KLHL26: variants seen among roughly 807,000 people sequenced by gnomAD.
KLHL26 encodes kelch like family member 26.
KLHL26 carries 4 observed loss-of-function variants against 7.1 expected under a neutral mutation model. The observed-to-expected ratio is 0.56, with a 90% CI of 0.28 to 1.28. The LOEUF is 1.28. Ranked by LOEUF, KLHL26 falls within the 50% of genes most tolerant of loss-of-function variation. KLHL26 has a pLI of 0.11. For synonymous variants in KLHL26, 465 were observed against 414.1 expected, an observed-to-expected ratio of 1.12 and a Z score of -1.49; for missense variants, 896 against 924.6, an observed-to-expected ratio of 0.97 and a Z score of 0.40.
In KLHL26 at chr19:18,649,034, G is replaced by A. The variant is rs1329892685; in HGVS notation, c.83+11897G>A. On this transcript the variant is annotated intron_variant, in intron 1 of 2. Transcript: ENST00000300976. This position sits in a 1 kb window ranked among gnomAD's most constrained non-coding sequence, Gnocchi z 4.0. ...TGACCCGCTGGGCCCCTGAGCTTCC[G>A]CAGCTCTGACGGCTCTGCTGGGCTC... Among the ~76,000 whole-genome samples the A allele has an allele frequency of 6.6e-6, 1 of 152,140 alleles. No homozygotes were observed. The highest frequency in any genetic ancestry group is 1.5e-5 in the Non-Finnish European group (1 of 68,026).
chr19:18,664,311 A>G lies in KLHL26; in HGVS notation c.134A>G (p.His45Arg). The stretch of plus-strand genomic sequence containing the variant: ...AAGTGCACCTTCTCGGCACCCAGCC[A>G]CAGCACCAGCCTCCTGCAGGGCCTG... ...ALKCTFSAPS[H>R]STSLLQGLAT... The change falls in exon 2 of 3, where the codon CAC (histidine) becomes CGC (arginine). Residue 45 changes from histidine (H) to arginine (R), a missense_variant. Transcript: ENST00000300976. 6.2e-7 allele frequency: 1 copy of G among 1,609,052 alleles called. No homozygotes were observed. Among genetic ancestry groups the G allele is most frequent in the African/African-American group, 1.3e-5 (1 of 75,038 alleles).
intron 1 of KLHL26, among the ~76,000 whole-genome samples, chr19:18,643,579 A>T (rs1265875824): frequency 6.6e-6 from 1 of 151,710 alleles, no homozygotes; most frequent in Non-Finnish European, 1.5e-5. Context: ...CCTGGGTTCA[A>T]GCGATTCTCC....
rs1471533794 is a variant in KLHL26 at position 18,668,099 on chromosome 19, G to A, written c.702G>A (p.Leu234=). ...TGTTCCGCGCGGCCGTCCGCTGGCT[G>A]CAGCATGACCCGGCCCGGCGGCCGC... ...IDLFRAAVRW[L]QHDPARRPRA... Residue 234 remains leucine (L), a synonymous_variant, in exon 3 of 3, where the codon CTG becomes CTA. Transcript: ENST00000300976. 2 of 1,604,138 alleles carry A rather than the reference G, an allele frequency of 1.2e-6. No individual in the cohort carries two copies. Among genetic ancestry groups the A allele is most frequent in the African/African-American group, 1.3e-5 (1 of 74,936 alleles).
At chr19:18,654,753 T>G (rs2052312307) in intron 1 of KLHL26, among the ~76,000 whole-genome samples, 1 of 149,676 alleles carries the variant, frequency 6.7e-6, no homozygotes, top group Non-Finnish European at 1.5e-5. Context: ...ACCCATCCAT[T>G]CACCCGCCCA....
chr19:18,647,206 C>A (rs1009216419), intron 1 of KLHL26, among the ~76,000 whole-genome samples: 1 of 152,240 alleles, frequency 6.6e-6, no homozygotes, highest in Non-Finnish European at 1.5e-5. Flanking sequence ...GCAGTGCGAT[C>A]GTCACAGCTG....
intron 1 of KLHL26, among the ~76,000 whole-genome samples, chr19:18,653,387 C>T (rs1293673783): frequency 3.0e-5 from 4 of 131,992 alleles, no homozygotes; most frequent in Non-Finnish European, 4.9e-5. Flanking sequence ...CCCACCCATC[C>T]GCCCACCCAC....
At chr19:18,666,095 C>G (rs575543391) in intron 2 of KLHL26, among the ~76,000 whole-genome samples, 19 of 152,262 alleles carry the variant, frequency 1.2e-4, no homozygotes, top group African/African-American at 4.6e-4. Context: ...CGCCTGCGAC[C>G]GCCTCTGCCT....
In KLHL26 at chr19:18,671,404, A is replaced by G. The variant is rs1433952686; in HGVS notation, c.*2159A>G. On this transcript the variant is annotated 3_prime_UTR_variant, in exon 3 of 3. Transcript: ENST00000300976. ...CCCACCCCCGACCTGAGCTCCCCCA[A>G]AGAGAACCCTTCCCCACTGGAGGCA... The G allele has an allele frequency of 2.0e-5, 3 of 152,252 alleles. No homozygotes were observed. Among genetic ancestry groups the G allele is most frequent in the Non-Finnish European group, 2.9e-5 (2 of 68,084 alleles). 9.4% of individuals were successfully genotyped at this position (152,252 alleles called of 1,614,324 possible).
intron 2 of KLHL26, 117 bp from the exon 3 acceptor site, chr19:18,667,547 C>A (rs536865532): frequency 6.8e-7 from 1 of 1,472,958 alleles, no homozygotes; most frequent in Non-Finnish European, 9.0e-7. Context: ...TTTCCTCTTG[C>A]TGGCTGTGCC....
Position 18,667,985 on chromosome 19 carries a change from C to G in KLHL26, c.588C>G (p.Ala196=), listed in dbSNP as rs769536409. 20 of 1,608,126 alleles carry G rather than the reference C, an allele frequency of 1.2e-5. No individual in the cohort carries two copies. The highest frequency in any genetic ancestry group is 3.3e-5 in the Admixed American group (2 of 60,006). The change falls in exon 3 of 3, where the codon GCC becomes GCG. Residue 196 remains alanine (A), a synonymous_variant. Coordinates refer to ENST00000300976, the MANE Select transcript of KLHL26 (RefSeq NM_018316.3). ...AFTFRHFLQI[A]EEEDFLRLPL... ...CCTTCCGGCACTTCCTGCAGATCGC[C>G]GAGGAGGAGGATTTCCTGCGCCTGC...
Position 18,668,138 on chromosome 19 carries a change from G to C in KLHL26, c.741G>C (p.Val247=), listed in dbSNP as rs754709556. ...CCCGGCGGCCGCGCGCCAGCCACGTGCTCTGCCACATTCGCTTCCCGCTCA... is the reference window on the plus strand; with the variant it reads ...CCCGGCGGCCGCGCGCCAGCCACGTCCTCTGCCACATTCGCTTCCCGCTCA... ...DPARRPRASH[V]LCHIRFPLMQ... The change falls in exon 3 of 3, where the codon GTG becomes GTC. Residue 247 remains valine (V), a synonymous_variant. Coordinates refer to ENST00000300976, the MANE Select transcript of KLHL26 (RefSeq NM_018316.3). 5.0e-6 allele frequency: 8 copies of C among 1,605,610 alleles called. No homozygotes were observed. The South Asian group carries it at 6.6e-5, about 13-fold the overall frequency.
intron 1 of KLHL26, among the ~76,000 whole-genome samples, chr19:18,664,049 C>T (rs544207388): frequency 2.0e-4 from 31 of 152,034 alleles, no homozygotes; most frequent in African/African-American, 6.8e-4. Context: ...CCCACCCCAT[C>T]AGCAGTCACT....
At chr19:18,651,180 C>T (rs1401251437) in intron 1 of KLHL26, among the ~76,000 whole-genome samples, 1 of 152,198 alleles carries the variant, frequency 6.6e-6, no homozygotes, top group Non-Finnish European at 1.5e-5. Flanking sequence ...TCTTTCAGCT[C>T]TGTCATCCCT....
chr19:18,664,423 T>C lies in KLHL26; in HGVS notation c.246T>C (p.Ala82=), dbSNP rs1270330868. The change falls in exon 2 of 3, where the codon GCT becomes GCC. Residue 82 remains alanine, a synonymous_variant. Transcript: ENST00000300976. ...TTCCTGCACACAAGGTCGTCCTGGC[T>C]GCCTGCAGCGACTACTTCAGGTAAG... ...EAFPAHKVVL[A]ACSDYFRAMF... 4 of 1,589,242 alleles carry C rather than the reference T, an allele frequency of 2.5e-6. No individual in the cohort carries two copies. Among genetic ancestry groups the C allele is most frequent in the Non-Finnish European group, 3.4e-6 (4 of 1,168,114 alleles).
chr19:18,661,796 C>T (rs1056377281), intron 1 of KLHL26, among the ~76,000 whole-genome samples: 5 of 151,992 alleles, frequency 3.3e-5, no homozygotes, highest in African/African-American at 9.7e-5. Context: ...TCATAAGCCC[C>T]CCGAGAGTGT....
intron 1 of KLHL26, among the ~76,000 whole-genome samples, chr19:18,663,746 G>T (rs568630834): frequency 4.9e-5 from 7 of 142,528 alleles, no homozygotes; most frequent in African/African-American, 1.8e-4. Flanking sequence ...TTCCCCAAAT[G>T]AAATAGCAAA....
intron 1 of KLHL26, among the ~76,000 whole-genome samples, chr19:18,638,626 A>G (rs927091822): frequency 6.6e-6 from 1 of 152,212 alleles, no homozygotes; most frequent in African/African-American, 2.4e-5. Context: ...GGGACAGGGA[A>G]GAGGGACAGT....
In KLHL26 at chr19:18,668,918, C is replaced by T. The variant is rs73533829; in HGVS notation, c.1521C>T (p.Gly507=). Residue 507 remains glycine (G), a synonymous_variant, in exon 3 of 3, where the codon GGC becomes GGT. Coordinates refer to ENST00000300976, the MANE Select transcript of KLHL26 (RefSeq NM_018316.3). ...TGCTACACGCCATGGTGGGTGCCGG[C>T]GGCCGCATCTATGCCCTCGGGGGCC... ...PRVLHAMVGA[G]GRIYALGGRM... 3,095 of 1,606,210 alleles carry T rather than the reference C, an allele frequency of 1.9e-3. 51 individuals carry two copies. The African/African-American group carries it at 0.032, about 17-fold the overall frequency.
At chr19:18,654,448 A>G (rs898115730) in intron 1 of KLHL26, among the ~76,000 whole-genome samples, 2 of 138,768 alleles carry the variant, frequency 1.4e-5, no homozygotes, top group African/African-American at 5.5e-5. Context: ...CCAACCCACC[A>G]TCCACCAATC....
Sources: allele counts gnomAD v4.1 joint callset (sites outside exome capture counted in the v4.1 genomes callset), GRCh38; gene constraint gnomAD v4.1.1; non-coding constraint Gnocchi (gnomAD v3.1); transcripts MANE v1.5; gene names NCBI Gene and HGNC (gene_info 2026-07-23, HGNC 2026-07-21).